ZNF724: variants seen among roughly 807,000 people sequenced by gnomAD.
The protein encoded by ZNF724 is zinc finger protein 724.
In ZNF724, 14 loss-of-function variants were observed where a neutral mutation model predicts 29.3. That is an observed-to-expected ratio of 0.48 (90% CI 0.32 to 0.75). The LOEUF is 0.75. ZNF724 is among the 30% of genes least tolerant of loss of function. The pLI is 0.04. For missense variants in ZNF724, 557 were observed against 571.2 expected, an observed-to-expected ratio of 0.98 and a Z score of 0.25; for synonymous variants, 180 against 193.6, an observed-to-expected ratio of 0.93 and a Z score of 0.58.
chr19:23,246,418 AGGC>A (rs566674834), intron 1 of ZNF724, among the ~76,000 whole-genome samples: 3 of 152,122 alleles, frequency 2.0e-5, no homozygotes, highest in Non-Finnish European at 4.4e-5. Flanking sequence ...GCACTTTGGG[AGGC>A]CGAGGCGGGC....
At chr19:23,243,099 G>A (rs1972163635) in intron 1 of ZNF724, among the ~76,000 whole-genome samples, 1 of 150,492 alleles carries the variant, frequency 6.6e-6, no homozygotes, top group Non-Finnish European at 1.5e-5. Flanking sequence ...TAAATATCAT[G>A]GAATACTGTA....
At chr19:23,250,093 G>A (rs1972324688) in intron 1 of ZNF724, 147 bp downstream of exon 1, 1 of 503,394 alleles carries the variant, frequency 2.0e-6, no homozygotes, top group Non-Finnish European at 4.0e-6. Flanking sequence ...TATGGCTGAA[G>A]GGGACTGAGG....
chr19:23,230,176 C>T (rs1599639290), intron 3 of ZNF724, among the ~76,000 whole-genome samples: 1 of 151,678 alleles, frequency 6.6e-6, no homozygotes, highest in South Asian at 2.1e-4. Context: ...CAAATTTAAC[C>T]AAGGATCTAA....
At chr19:23,250,112 G>C (rs1972325366) in intron 1 of ZNF724, 128 bp downstream of exon 1, 1 of 536,848 alleles carries the variant, frequency 1.9e-6, no homozygotes, top group African/African-American at 1.9e-5. Flanking sequence ...GGCCCAGCTG[G>C]GCAAGGAGAA....
intron 3 of ZNF724, among the ~76,000 whole-genome samples, chr19:23,225,130 T>A (rs910558765): frequency 2.6e-5 from 4 of 152,126 alleles, no homozygotes; most frequent in African/African-American, 9.7e-5. Context: ...AATACAGCAA[T>A]CCCATTTATT....
intron 1 of ZNF724, among the ~76,000 whole-genome samples, chr19:23,239,932 A>G (rs1445529765): frequency 1.3e-5 from 2 of 148,184 alleles, no homozygotes; most frequent in Non-Finnish European, 2.9e-5. Flanking sequence ...CAAGTAATCC[A>G]GGAGTTAAAT....
chr19:23,223,545 C>A lies in ZNF724; in HGVS notation c.700G>T (p.Ala234Ser), dbSNP rs930605232. ...TTAAGGTGTGAGGACTTGTTAAAGG[C>A]TATGCCACATTCTTCACATTTGTAG... ...KHYKCEECGI[A>S]FNKSSHLNTH... Residue 234 changes from alanine to serine, a missense_variant, in exon 4 of 4, where the codon GCC becomes TCC. Coordinates refer to ENST00000418100, the MANE Select transcript of ZNF724 (RefSeq NM_001355404.2). 1.4e-6 allele frequency: 1 copy of A among 734,544 alleles called. No homozygotes were observed. The highest frequency in any genetic ancestry group is 1.9e-5 in the Admixed American group (1 of 51,760). 45.5% of individuals were successfully genotyped at this position (734,544 alleles called of 1,614,324 possible). A position where few individuals can be genotyped will look rare whatever the true frequency, so the allele number is the denominator to read the frequency against.
intron 1 of ZNF724, among the ~76,000 whole-genome samples, chr19:23,240,029 G>A (rs899433442): frequency 6.6e-6 from 1 of 151,980 alleles, no homozygotes; most frequent in Non-Finnish European, 1.5e-5. Flanking sequence ...TGACAACAGG[G>A]GGCCAGGTGC....
Position 23,223,040 on chromosome 19 carries a change from G to A in ZNF724, c.1205C>T (p.Ala402Val). The change falls in exon 4 of 4, where the codon GCC becomes GTC. Residue 402 changes from alanine (A) to valine (V), a missense_variant. Around this residue, in one of 3 missense-constraint regions of ZNF724, gnomAD observed 362 missense variants for 295.5 expected, o/e 1.22. Transcript: ENST00000418100. ...KPYKCEECGK[A>V]FNTSSHLTTH... ...GGTGAGGTGTGAGGATGTGTTAAAGGCTTTGCCACATTCTTCACATTTGTA... is the reference window on the plus strand; with the variant it reads ...GGTGAGGTGTGAGGATGTGTTAAAGACTTTGCCACATTCTTCACATTTGTA... 1 of 1,308,378 alleles carries A rather than the reference G, an allele frequency of 7.6e-7. No homozygotes were observed. Among genetic ancestry groups the A allele is most frequent in the Non-Finnish European group, 1.1e-6 (1 of 902,824 alleles). 81.0% of individuals were successfully genotyped at this position (1,308,378 alleles called of 1,614,324 possible).
At chr19:23,244,757 T>C (rs1221097475) in intron 1 of ZNF724, among the ~76,000 whole-genome samples, 4 of 152,160 alleles carry the variant, frequency 2.6e-5, no homozygotes, top group African/African-American at 9.7e-5. Context: ...CTTACTACAG[T>C]TGCCAGTAAC....
At chr19:23,233,505 T>TAG in intron 1 of ZNF724, among the ~76,000 whole-genome samples, 1 of 152,174 alleles carries the variant, frequency 6.6e-6, no homozygotes, top group South Asian at 2.1e-4. Context: ...TATCCACACT[T>TAG]TTCTAAGTTC....
At chr19:23,242,107 A>T (rs901388868) in intron 1 of ZNF724, among the ~76,000 whole-genome samples, 1 of 152,208 alleles carries the variant, frequency 6.6e-6, no homozygotes. Context: ...CCAAATCAAA[A>T]ACACAATCAC....
rs1387707453 is a variant in ZNF724 at position 23,223,710 on chromosome 19, A to G, written c.535T>C (p.Phe179Leu). ...TGAGTTAGGTGTGAAAGAACACAAAATGACTTGCCACATTCTTTACATTTG... is the reference window on the plus strand; with the variant it reads ...TGAGTTAGGTGTGAAAGAACACAAAGTGACTTGCCACATTCTTTACATTTG... ...PFKCKECGKS[F>L]CVLSHLTQHK... The change falls in exon 4 of 4, where the codon TTT becomes CTT. Residue 179 changes from phenylalanine to leucine, a missense_variant. Phe to Leu is a conservative substitution (Grantham distance 22). Around this residue, in one of 3 missense-constraint regions of ZNF724, gnomAD observed 362 missense variants for 295.5 expected, o/e 1.22. Coordinates refer to ENST00000418100, the MANE Select transcript of ZNF724 (RefSeq NM_001355404.2). The G allele has an allele frequency of 1.4e-6, 1 of 720,468 alleles. No individual in the cohort carries two copies. Among genetic ancestry groups the G allele is most frequent in the Non-Finnish European group, 2.6e-6 (1 of 388,088 alleles). The allele number at this position is 720,468 out of a possible 1,614,324, so 44.6% of individuals were successfully genotyped here. A position where few individuals can be genotyped will look rare whatever the true frequency, so the allele number is the denominator to read the frequency against.
chr19:23,242,389 G>A (rs1972139355), intron 1 of ZNF724, among the ~76,000 whole-genome samples: 1 of 151,610 alleles, frequency 6.6e-6, no homozygotes, highest in Non-Finnish European at 1.5e-5. Flanking sequence ...GACCAGTCAG[G>A]ACAACATAAA....
chr19:23,226,182 G>A (rs1367166030), intron 3 of ZNF724, among the ~76,000 whole-genome samples: 1 of 151,220 alleles, frequency 6.6e-6, no homozygotes, highest in Non-Finnish European at 1.5e-5. Flanking sequence ...CTCCCAAAAA[G>A]CTGGGACTAC....
intron 1 of ZNF724, among the ~76,000 whole-genome samples, chr19:23,238,719 G>A (rs942068338): frequency 2.0e-5 from 3 of 152,172 alleles, no homozygotes; most frequent in Non-Finnish European, 4.4e-5. Flanking sequence ...GACCAGCCTG[G>A]CCATCATGGC....
intron 1 of ZNF724, among the ~76,000 whole-genome samples, chr19:23,244,771 C>G (rs1972208580): frequency 6.6e-6 from 1 of 152,148 alleles, no homozygotes; most frequent in Admixed American, 6.5e-5. Context: ...CAGTAACAAA[C>G]CCCATGGGCC....
chr19:23,243,952 TAA>T (rs55768621), intron 1 of ZNF724, among the ~76,000 whole-genome samples: 358 of 141,796 alleles, frequency 2.5e-3, no homozygotes, highest in Admixed American at 4.3e-3. Flanking sequence ...ATTAAATAAA[TAA>T]AAAAAAAAAA....
intron 3 of ZNF724, among the ~76,000 whole-genome samples, chr19:23,228,668 G>C (rs896771239): frequency 5.9e-5 from 9 of 152,078 alleles, no homozygotes; most frequent in Admixed American, 2.0e-4. Context: ...GGGAGGCTAA[G>C]GCGGGAGGAT....
Sources: allele counts gnomAD v4.1 joint callset (sites outside exome capture counted in the v4.1 genomes callset), GRCh38; gene constraint gnomAD v4.1.1; regional missense constraint gnomAD v4.1.1; transcripts MANE v1.5; gene names NCBI Gene and HGNC (gene_info 2026-07-23, HGNC 2026-07-21).